Variants in AGBL4 observed in about 807,000 individuals in gnomAD.
AGBL4 encodes the protein cytosolic carboxypeptidase 6.
AGBL4 carries 58 observed loss-of-function variants against 66.4 expected under a neutral mutation model. The observed-to-expected ratio is 0.87, with a 90% confidence interval of 0.71 to 1.09. The LOEUF is 1.09. AGBL4 is among the 50% of genes least tolerant of loss of function. The pLI is 0.00. For missense variants in AGBL4, 579 were observed against 631.0 expected (o/e 0.92, Z 0.88); for synonymous variants, 234 against 222.9 (o/e 1.05, Z -0.44).
At chr1:48,871,435 A>C (rs1338624069) in intron 5 of AGBL4, among the ~76,000 whole-genome samples, 1 of 151,496 alleles carries the variant, frequency 6.6e-6, no homozygotes, top group Non-Finnish European at 1.5e-5. Flanking sequence ...TTCATCTCAG[A>C]CAAAGAAGTT....
At chr1:49,336,532 G>T (rs1468290935) in intron 3 of AGBL4, among the ~76,000 whole-genome samples, 1 of 152,182 alleles carries the variant, frequency 6.6e-6, no homozygotes, top group Non-Finnish European at 1.5e-5. Flanking sequence ...TCACAAGGCA[G>T]CACAAAGCTT....
At chr1:49,645,581 C>T (rs1645868677) in intron 3 of AGBL4, among the ~76,000 whole-genome samples, 1 of 151,186 alleles carries the variant, frequency 6.6e-6, no homozygotes, top group Non-Finnish European at 1.5e-5. Flanking sequence ...ACTCCAGGCC[C>T]ACATGCCTTC....
chr1:48,796,548 C>G (rs1370799178), intron 6 of AGBL4, among the ~76,000 whole-genome samples: 9 of 152,114 alleles, frequency 5.9e-5, no homozygotes, highest in Admixed American at 5.9e-4. Flanking sequence ...TTGTGGGGAT[C>G]CAGAGTATCC....
chr1:49,358,502 G>A (rs1277117060), intron 3 of AGBL4, among the ~76,000 whole-genome samples: 1 of 151,978 alleles, frequency 6.6e-6, no homozygotes, highest in Non-Finnish European at 1.5e-5. Flanking sequence ...TCTTATTATT[G>A]GACAGTGAGA....
chr1:49,887,759 G>A (rs1648216635), intron 1 of AGBL4, among the ~76,000 whole-genome samples: 1 of 152,072 alleles, frequency 6.6e-6, no homozygotes. Context: ...CAGTGGAGGT[G>A]AAAATGACAG....
intron 1 of AGBL4, among the ~76,000 whole-genome samples, chr1:49,943,148 C>T (rs1287564606): frequency 6.6e-6 from 1 of 151,872 alleles, no homozygotes; most frequent in African/African-American, 2.4e-5. Context: ...TGGTTATGAG[C>T]AAAGAGACAA....
chr1:49,997,212 T>A (rs560200011), intron 1 of AGBL4, among the ~76,000 whole-genome samples: 3 of 152,260 alleles, frequency 2.0e-5, no homozygotes, highest in African/African-American at 7.2e-5. Context: ...ATCTCAATAC[T>A]AACATTGAAT....
chr1:49,638,614 C>A (rs1180669155), intron 3 of AGBL4, among the ~76,000 whole-genome samples: 1 of 152,112 alleles, frequency 6.6e-6, no homozygotes, highest in East Asian at 1.9e-4. Flanking sequence ...ATGCTGTTCT[C>A]CTGATAGAGA....
At chr1:49,095,196 A>C (rs1645072575) in intron 4 of AGBL4, among the ~76,000 whole-genome samples, 1 of 152,242 alleles carries the variant, frequency 6.6e-6, no homozygotes, top group African/African-American at 2.4e-5. Context: ...GATACAAACA[A>C]ATGGAAGAAC....
chr1:48,708,376 G>A (rs1646912494), intron 6 of AGBL4, among the ~76,000 whole-genome samples: 1 of 152,184 alleles, frequency 6.6e-6, no homozygotes, highest in Non-Finnish European at 1.5e-5. Context: ...CATTGTGAAT[G>A]AGAGGAGCCG....
intron 3 of AGBL4, among the ~76,000 whole-genome samples, chr1:49,308,028 G>A (rs1010139243): frequency 6.6e-6 from 1 of 151,988 alleles, no homozygotes; most frequent in African/African-American, 2.4e-5. Context: ...GAGTTCTCAT[G>A]AGATCAGTTT....
At chr1:49,960,136 A>G (rs1045183818) in intron 1 of AGBL4, among the ~76,000 whole-genome samples, 1 of 151,996 alleles carries the variant, frequency 6.6e-6, no homozygotes, top group Non-Finnish European at 1.5e-5. Context: ...TTACCTAAAT[A>G]ACAAACCTGC....
At position 49,013,623 on chromosome 1, in the gene AGBL4, C is replaced by T. The variant is rs541489694; in HGVS notation, c.594+31961G>A. Among the ~76,000 whole-genome samples, 17 of 152,258 alleles carry T rather than the reference C, an allele frequency of 1.1e-4. No individual in the cohort carries two copies. In the South Asian group the frequency reaches 3.1e-3, roughly 28 times the overall value. ...CCCTACCATTATGCTCTGCCTATCCCCACCTCTTCTGTATTCTATTTGCTG... is the reference window on the plus strand; with the variant it reads ...CCCTACCATTATGCTCTGCCTATCCTCACCTCTTCTGTATTCTATTTGCTG... On this transcript the variant is annotated intron_variant, in intron 5 of 13. Transcript: ENST00000371839.
At chr1:49,507,895 T>C (rs1648845101) in intron 3 of AGBL4, among the ~76,000 whole-genome samples, 1 of 151,822 alleles carries the variant, frequency 6.6e-6, no homozygotes, top group Non-Finnish European at 1.5e-5. Context: ...CTTAAGTTGC[T>C]CTTAAGGAAG....
At chr1:48,984,905 C>T (rs765515183) in intron 5 of AGBL4, among the ~76,000 whole-genome samples, 11 of 151,770 alleles carry the variant, frequency 7.2e-5, no homozygotes, top group Non-Finnish European at 1.6e-4. Flanking sequence ...ATGCAGAATT[C>T]CACAATGGAA....
At chr1:49,132,297 T>C (rs1378774103) in intron 4 of AGBL4, among the ~76,000 whole-genome samples, 6 of 151,938 alleles carry the variant, frequency 3.9e-5, no homozygotes, top group African/African-American at 1.2e-4. Context: ...GGGAGCAGTG[T>C]TGAAGAGTTA....
chr1:49,404,652 G>T (rs1002740572), intron 3 of AGBL4, among the ~76,000 whole-genome samples: 2 of 152,018 alleles, frequency 1.3e-5, no homozygotes, highest in African/African-American at 4.8e-5. Flanking sequence ...CCACAATTTT[G>T]TTTGTTTAAT....
Position 49,697,312 on chromosome 1 carries a change from C to G in AGBL4, c.282+1G>C. On this transcript the variant is annotated splice_donor_variant, in intron 3 of 13. Coordinates refer to ENST00000371839, the MANE Select transcript of AGBL4 (RefSeq NM_032785.4). LOFTEE classifies it high-confidence loss of function. ...CTGAAGGTATCCACTATTTCCCTCA[C>G]CTGTGATTCTTTCACATTTTCAACA... 1 of 1,546,016 alleles carries G rather than the reference C, an allele frequency of 6.5e-7. No homozygotes were observed. Among genetic ancestry groups the G allele is most frequent in the Non-Finnish European group, 8.8e-7 (1 of 1,142,806 alleles).
intron 2 of AGBL4, among the ~76,000 whole-genome samples, chr1:49,796,941 A>C (rs1388776623): frequency 6.6e-6 from 1 of 152,128 alleles, no homozygotes; most frequent in African/African-American, 2.4e-5. Flanking sequence ...TGCAGTGTAC[A>C]TTGAAAATTT....
Sources: allele counts gnomAD v4.1 joint callset (sites outside exome capture counted in the v4.1 genomes callset), GRCh38; gene constraint gnomAD v4.1.1; transcripts MANE v1.5; gene names NCBI Gene and HGNC (gene_info 2026-07-23, HGNC 2026-07-21).